Variants in CNTNAP2 observed in about 807,000 individuals in gnomAD.
CNTNAP2 encodes contactin-associated protein-like 2.
A neutral mutation model predicts 155.2 loss-of-function variants in CNTNAP2; 98 were observed. The observed-to-expected ratio is 0.63, with a 90% CI of 0.54 to 0.75. The LOEUF is 0.75. Among genes scored for constraint, CNTNAP2 ranks in the 30% least tolerant of loss-of-function variants. The pLI is 0.00. For synonymous variants in CNTNAP2, 651 were observed against 631.2 expected (o/e 1.03, Z -0.47); for missense variants, 1,727 against 1,688.1 (o/e 1.02, Z -0.40).
In CNTNAP2 at chr7:148,334,147, G is replaced by T. The variant is rs10237773; in HGVS notation, c.3476-49502G>T. Among the ~76,000 whole-genome samples, 535 of 152,274 alleles carry T rather than the reference G, an allele frequency of 3.5e-3. 3 individuals carry two copies. The highest frequency in any genetic ancestry group is 0.012 in the African/African-American group (507 of 41,552). ...AATGAATGGCAGCAGCATGACTTAC[G>T]TTCTTTTATCAGAGAGTCTAGTTTG... is the stretch of plus-strand genomic sequence containing the variant. On this transcript the variant is annotated intron_variant, in intron 21 of 23. Transcript: ENST00000361727.
At chr7:147,575,919 CACAA>C (rs1800389344) in intron 12 of CNTNAP2, among the ~76,000 whole-genome samples, 1 of 151,836 alleles carries the variant, frequency 6.6e-6, no homozygotes, top group African/African-American at 2.4e-5. Flanking sequence ...GAAACTGAAA[CACAA>C]ACAGATATTA....
At chr7:147,112,470 A>G (rs776125567) in intron 5 of CNTNAP2, among the ~76,000 whole-genome samples, 8 of 152,166 alleles carry the variant, frequency 5.3e-5, no homozygotes, top group Non-Finnish European at 7.3e-5. Flanking sequence ...GAATGCTTCC[A>G]GCTTTTCCCC....
intron 21 of CNTNAP2, among the ~76,000 whole-genome samples, chr7:148,330,345 G>A (rs1797967126): frequency 6.6e-6 from 1 of 151,758 alleles, no homozygotes; most frequent in Non-Finnish European, 1.5e-5. Flanking sequence ...GGAATGGATG[G>A]ATGGAGTGGA....
At chr7:147,997,889 C>A (rs1801834427) in intron 15 of CNTNAP2, among the ~76,000 whole-genome samples, 1 of 152,094 alleles carries the variant, frequency 6.6e-6, no homozygotes, top group Non-Finnish European at 1.5e-5. Context: ...TCTTAAATCT[C>A]CACCTAGGGG....
At chr7:146,573,731 T>A (rs1364875808) in intron 1 of CNTNAP2, among the ~76,000 whole-genome samples, 1 of 152,204 alleles carries the variant, frequency 6.6e-6, no homozygotes, top group East Asian at 1.9e-4. Flanking sequence ...GATTTTGCGT[T>A]CCTGAGCCTT....
At chr7:148,232,420 A>G (rs6961506) in intron 20 of CNTNAP2, among the ~76,000 whole-genome samples, 34,682 of 152,054 alleles carry the variant, frequency 0.23, 4,343 homozygotes, top group Middle Eastern at 0.29. Context: ...AGATATAATA[A>G]AATGTTCACA....
chr7:146,331,525 G>A (rs1032969253), intron 1 of CNTNAP2, among the ~76,000 whole-genome samples: 25 of 152,060 alleles, frequency 1.6e-4, no homozygotes, highest in Non-Finnish European at 7.4e-5. Flanking sequence ...GTGACTCATT[G>A]CTGTTTGGTA....
intron 1 of CNTNAP2, among the ~76,000 whole-genome samples, chr7:146,354,123 G>A (rs181810358): frequency 5.9e-5 from 9 of 152,198 alleles, no homozygotes; most frequent in South Asian, 2.1e-4. Flanking sequence ...AACTACTCAT[G>A]AAGATAATTC....
intron 12 of CNTNAP2, among the ~76,000 whole-genome samples, chr7:147,576,578 C>T (rs565549912): frequency 6.6e-6 from 1 of 152,096 alleles, no homozygotes; most frequent in Admixed American, 6.6e-5. Context: ...ATTTAAGAAT[C>T]AGGCCTCAGT....
chr7:146,369,050 T>TATATATATACAC (rs1286983889), intron 1 of CNTNAP2, among the ~76,000 whole-genome samples: 4 of 139,188 alleles, frequency 2.9e-5, no homozygotes, highest in African/African-American at 1.1e-4. Context: ...TATATATATA[T>TATATATATACAC]ACATATATAT....
chr7:147,608,047 A>G (rs1375466664), intron 12 of CNTNAP2, among the ~76,000 whole-genome samples: 4 of 152,052 alleles, frequency 2.6e-5, no homozygotes, highest in Non-Finnish European at 4.4e-5. Flanking sequence ...TGGTGGCATA[A>G]AATTTGTTAT....
intron 12 of CNTNAP2, among the ~76,000 whole-genome samples, chr7:147,615,726 C>T (rs181255118): frequency 1.1e-4 from 16 of 152,084 alleles, no homozygotes; most frequent in African/African-American, 1.9e-4. Context: ...TCCTACTCTC[C>T]CTTCGAGACT....
At chr7:148,092,625 A>G (rs1021351632) in intron 15 of CNTNAP2, among the ~76,000 whole-genome samples, 2 of 152,110 alleles carry the variant, frequency 1.3e-5, no homozygotes, top group African/African-American at 4.8e-5. Flanking sequence ...AAAACATTTT[A>G]CTGTGATTTA....
chr7:146,227,914 T>C (rs1799322409), intron 1 of CNTNAP2, among the ~76,000 whole-genome samples: 1 of 152,194 alleles, frequency 6.6e-6, no homozygotes. Context: ...CAGAGGAATA[T>C]TTTAACACTG....
At chr7:146,780,957 G>T (rs897569756) in intron 2 of CNTNAP2, among the ~76,000 whole-genome samples, 2 of 151,830 alleles carry the variant, frequency 1.3e-5, no homozygotes, top group African/African-American at 4.8e-5. Context: ...GGCCGGGCGC[G>T]GTGGCTCACG....
At chr7:147,276,267 C>T (rs570738244) in intron 8 of CNTNAP2, among the ~76,000 whole-genome samples, 9 of 149,040 alleles carry the variant, frequency 6.0e-5, no homozygotes, top group Admixed American at 4.6e-4. Context: ...GATACCAGCT[C>T]ATCTTCATTC....
chr7:147,944,260 A>G (rs917412610), intron 14 of CNTNAP2, among the ~76,000 whole-genome samples: 3 of 152,196 alleles, frequency 2.0e-5, no homozygotes, highest in African/African-American at 7.2e-5. Context: ...GTGTTTTTCT[A>G]CTGCCCATAT....
chr7:147,789,343 G>T (rs888602541), intron 13 of CNTNAP2, among the ~76,000 whole-genome samples: 1 of 152,134 alleles, frequency 6.6e-6, no homozygotes, highest in Non-Finnish European at 1.5e-5. Flanking sequence ...TTCTTGGCTG[G>T]TCGTTCTATT....
At chr7:146,452,609 T>C (rs1380579758) in intron 1 of CNTNAP2, among the ~76,000 whole-genome samples, 3 of 152,356 alleles carry the variant, frequency 2.0e-5, no homozygotes, top group Non-Finnish European at 2.9e-5. Flanking sequence ...CAATCGCCTT[T>C]ATACAGTTAT....
Sources: allele counts gnomAD v4.1 joint callset (sites outside exome capture counted in the v4.1 genomes callset), GRCh38; gene constraint gnomAD v4.1.1; transcripts MANE v1.5; gene names NCBI Gene and HGNC (gene_info 2026-07-23, HGNC 2026-07-21).